GALNT7: variants seen among roughly 807,000 people sequenced by gnomAD.
GALNT7 encodes the protein N-acetylgalactosaminyltransferase 7.
A neutral mutation model predicts 82.1 loss-of-function variants in GALNT7; 60 were observed. The observed-to-expected ratio is 0.73, with a 90% CI of 0.59 to 0.91. The LOEUF (loss-of-function observed/expected upper bound fraction) is 0.91, where lower values mean the gene tolerates loss of function less well. Ranked by LOEUF, GALNT7 falls within the 40% of genes least tolerant of loss-of-function variation. The pLI is 0.00. For synonymous variants in GALNT7, 243 were observed against 275.1 expected, an observed-to-expected ratio of 0.88 and a Z score of 1.15; for missense variants, 660 against 804.2, an observed-to-expected ratio of 0.82 and a Z score of 2.17.
intron 1 of GALNT7, among the ~76,000 whole-genome samples, chr4:173,232,459 G>A (rs915598423): frequency 3.3e-5 from 5 of 150,856 alleles, no homozygotes; most frequent in Admixed American, 1.3e-4. Context: ...TAGAGACAGC[G>A]TCTTGCTCTG....
intron 1 of GALNT7, among the ~76,000 whole-genome samples, chr4:173,171,438 C>T (rs193113761): frequency 1.5e-3 from 222 of 152,318 alleles, no homozygotes; most frequent in African/African-American, 5.2e-3. Context: ...ATGGGTTCTG[C>T]CTCTACTCCA....
intron 1 of GALNT7, among the ~76,000 whole-genome samples, chr4:173,174,993 T>C (rs999101350): frequency 1.3e-4 from 20 of 152,124 alleles, no homozygotes; most frequent in African/African-American, 4.8e-4. Flanking sequence ...AGAAAATAAT[T>C]CACGAATGAA....
chr4:173,271,841 T>G (rs1303549865), intron 2 of GALNT7, among the ~76,000 whole-genome samples: 1 of 152,210 alleles, frequency 6.6e-6, no homozygotes. Context: ...TTATTAAAAT[T>G]GTTTTTACAC....
intron 2 of GALNT7, among the ~76,000 whole-genome samples, chr4:173,287,669 A>G (rs1295320830): frequency 6.6e-6 from 1 of 152,182 alleles, no homozygotes; most frequent in Non-Finnish European, 1.5e-5. Context: ...TATGACCTTC[A>G]TTTATGGTCC....
intron 1 of GALNT7, among the ~76,000 whole-genome samples, chr4:173,208,770 C>A (rs188025041): frequency 6.6e-6 from 1 of 152,322 alleles, no homozygotes; most frequent in East Asian, 1.9e-4. Context: ...ATGTGCCTAG[C>A]TTGCCATCTT....
chr4:173,209,862 C>T (rs900229757), intron 1 of GALNT7, among the ~76,000 whole-genome samples: 5 of 152,342 alleles, frequency 3.3e-5, no homozygotes, highest in Admixed American at 3.3e-4. Flanking sequence ...TGGCTGGGTG[C>T]AGTGGCTGAC....
chr4:173,220,899 C>A (rs35644315), intron 1 of GALNT7, among the ~76,000 whole-genome samples: 107,560 of 151,680 alleles, frequency 0.71, 39,755 homozygotes, highest in East Asian at 0.88. Context: ...TCCAGTCTAT[C>A]ATTGTTGGAC....
chr4:173,255,285 C>T (rs960187292), intron 2 of GALNT7, among the ~76,000 whole-genome samples: 1 of 152,186 alleles, frequency 6.6e-6, no homozygotes, highest in Non-Finnish European at 1.5e-5. Context: ...AAACGTCCTT[C>T]TGCTGCCCAG....
intron 8 of GALNT7, among the ~76,000 whole-genome samples, chr4:173,311,993 C>A (rs1001475658): frequency 6.6e-6 from 1 of 152,102 alleles, no homozygotes; most frequent in Non-Finnish European, 1.5e-5. Flanking sequence ...CAAATCCAAC[C>A]CTTTTTAGTA....
At chr4:173,251,523 C>T (rs544188666) in intron 2 of GALNT7, among the ~76,000 whole-genome samples, 1 of 152,310 alleles carries the variant, frequency 6.6e-6, no homozygotes, top group Admixed American at 6.5e-5. Context: ...GCCTTGTCTA[C>T]ATCCTCTTGC....
intron 1 of GALNT7, among the ~76,000 whole-genome samples, chr4:173,223,513 A>G (rs948422337): frequency 6.6e-6 from 1 of 152,112 alleles, no homozygotes; most frequent in African/African-American, 2.4e-5. Context: ...TGCACAATGC[A>G]TTTTGTTATG....
chr4:173,300,954 C>T (rs944686830), intron 6 of GALNT7, among the ~76,000 whole-genome samples: 1 of 151,718 alleles, frequency 6.6e-6, no homozygotes, highest in Admixed American at 6.6e-5. Context: ...AGCAACATGG[C>T]GAAACCCCAT....
At chr4:173,307,938 G>T (rs760918204) in intron 8 of GALNT7, among the ~76,000 whole-genome samples, 12 of 152,238 alleles carry the variant, frequency 7.9e-5, no homozygotes, top group Non-Finnish European at 1.5e-4. Flanking sequence ...CAGAAGGGCT[G>T]TCGTTTACCT....
intron 8 of GALNT7, among the ~76,000 whole-genome samples, chr4:173,311,729 T>C (rs905365511): frequency 3.3e-5 from 5 of 152,148 alleles, no homozygotes; most frequent in South Asian, 2.1e-4. Context: ...GCCTCCAACA[T>C]TGGGGATTAT....
chr4:173,298,037 T>C, intron 5 of GALNT7, 78 bp from the exon 6 acceptor site: 1 of 1,537,762 alleles, frequency 6.5e-7, no homozygotes, highest in East Asian at 2.3e-5. Context: ...TTTTTTTTTC[T>C]TCCCCATGAA....
At position 173,228,690 on chromosome 4, in the gene GALNT7, A is replaced by G. The variant is rs1423568776; in HGVS notation, c.127-19290A>G. ...CACAGCCAGATGGCTTTACAAAAAA[A>G]ACTCTACCAACATTAAATTGTTTTT... On this transcript the variant is annotated intron_variant, in intron 1 of 11. Transcript: ENST00000265000. Among the ~76,000 whole-genome samples, 3 of 152,170 alleles carry G rather than the reference A, an allele frequency of 2.0e-5. No homozygotes were observed. The East Asian group carries it at 5.8e-4, about 29-fold the overall frequency.
rs772219002 is a variant in GALNT7 at position 173,321,612 on chromosome 4, A to G, written c.1869A>G (p.Gly623=). 31 of 1,611,054 alleles carry G rather than the reference A, an allele frequency of 1.9e-5. No homozygotes were observed. Among genetic ancestry groups the G allele is most frequent in the Non-Finnish European group, 2.5e-5 (29 of 1,177,324 alleles). Residue 623 remains glycine, a synonymous_variant, in exon 12 of 12, where the codon GGA becomes GGG. Transcript: ENST00000265000. ...NLHRFTHIPS[G]KCLDRSEVLH... ...ACAGATTTACTCATATTCCTTCAGG[A>G]AAGTGTTTAGATCGCTCAGAGGTCC... is the stretch of plus-strand genomic sequence containing the variant.
rs1369475205 is a variant in GALNT7 at position 173,228,187 on chromosome 4, T to C, written c.127-19793T>C. 2.0e-5 allele frequency among the ~76,000 whole-genome samples: 3 copies of C among 151,124 alleles called. No homozygotes were observed. The East Asian group carries it at 5.8e-4, about 29-fold the overall frequency. ...GGAAGCTTAACAATTTTTTGAAAATTTGTACAAGCAGTGCTCAATGTAGGG... is the reference window on the plus strand; with the variant it reads ...GGAAGCTTAACAATTTTTTGAAAATCTGTACAAGCAGTGCTCAATGTAGGG... On this transcript the variant is annotated intron_variant, in intron 1 of 11. Coordinates refer to ENST00000265000, the MANE Select transcript of GALNT7 (RefSeq NM_017423.3).
intron 6 of GALNT7, 180 bp downstream of exon 6, chr4:173,298,477 T>C (rs931048900): frequency 1.1e-5 from 6 of 531,310 alleles, no homozygotes; most frequent in Non-Finnish European, 2.0e-5. Context: ...TTGTAATTGC[T>C]TTTACCCTAA....
Sources: allele counts gnomAD v4.1 joint callset (sites outside exome capture counted in the v4.1 genomes callset), GRCh38; gene constraint gnomAD v4.1.1; transcripts MANE v1.5; gene names NCBI Gene and HGNC (gene_info 2026-07-23, HGNC 2026-07-21).